The following PPARGC1A variants were observed in gnomAD, a reference collection of about 807,000 sequenced individuals.
The protein encoded by PPARGC1A is peroxisome proliferator-activated receptor gamma coactivator 1-alpha.
In PPARGC1A, 25 loss-of-function variants were observed where a neutral mutation model predicts 88.7. The ratio of observed to expected loss-of-function variants is 0.28; its 90% CI spans 0.21 to 0.39. The LOEUF (loss-of-function observed/expected upper bound fraction) is 0.39, where lower values mean the gene tolerates loss of function less well. PPARGC1A is among the 10% of genes least tolerant of loss of function. The pLI, the probability that PPARGC1A is intolerant of heterozygous loss-of-function variation, is 1.00. For synonymous variants in PPARGC1A, 363 were observed against 355.6 expected (o/e 1.02, Z -0.24); for missense variants, 880 against 968.7 (o/e 0.91, Z 1.22).
chr4:24,132,692 A>T, the PPARGC1A span, among the ~76,000 whole-genome samples: 4 of 152,160 alleles, frequency 2.6e-5, no homozygotes, highest in African/African-American at 4.8e-5. Context: ...CGATTTAAAG[A>T]TTGATTCAAA....
the PPARGC1A span, among the ~76,000 whole-genome samples, chr4:24,064,455 GA>G: frequency 6.6e-6 from 1 of 152,130 alleles, no homozygotes. Context: ...ACCACAGGCT[GA>G]GGGGGAAAGG....
chr4:24,030,132 A>G, the PPARGC1A span, among the ~76,000 whole-genome samples: 1 of 152,240 alleles, frequency 6.6e-6, no homozygotes, highest in African/African-American at 2.4e-5. Flanking sequence ...ATTCTAAAAG[A>G]ACTGAATTAA....
At chr4:24,407,355 A>T in the PPARGC1A span, among the ~76,000 whole-genome samples, 20 of 152,348 alleles carry the variant, frequency 1.3e-4, no homozygotes, top group South Asian at 8.3e-4. Context: ...ACATGAAACG[A>T]GGGCGTCATC....
the PPARGC1A span, among the ~76,000 whole-genome samples, chr4:24,061,180 T>A: frequency 6.6e-6 from 1 of 152,128 alleles, no homozygotes; most frequent in Non-Finnish European, 1.5e-5. Context: ...CATGCTAGGG[T>A]AGAGCTCATA....
chr4:23,981,395 T>C, the PPARGC1A span, among the ~76,000 whole-genome samples: 1 of 152,122 alleles, frequency 6.6e-6, no homozygotes, highest in Non-Finnish European at 1.5e-5. Flanking sequence ...TAGACAACCA[T>C]AGGACATCAC....
chr4:23,993,532 G>C, the PPARGC1A span, among the ~76,000 whole-genome samples: 2 of 152,038 alleles, frequency 1.3e-5, no homozygotes, highest in Non-Finnish European at 2.9e-5. Context: ...GCTTGTTGTA[G>C]GTCCTCAAAA....
chr4:24,225,544 C>A, the PPARGC1A span, among the ~76,000 whole-genome samples: 3 of 150,710 alleles, frequency 2.0e-5, no homozygotes. Flanking sequence ...AAAAAACACA[C>A]ACACACACAA....
At chr4:23,916,607 C>T in the PPARGC1A span, among the ~76,000 whole-genome samples, 224 of 152,212 alleles carry the variant, frequency 1.5e-3, no homozygotes, top group African/African-American at 4.9e-3. Context: ...TCATATCTCA[C>T]GTGAGTAAAT....
the PPARGC1A span, among the ~76,000 whole-genome samples, chr4:24,230,676 G>T: frequency 6.6e-6 from 1 of 152,166 alleles, no homozygotes; most frequent in Non-Finnish European, 1.5e-5. Flanking sequence ...TCTGAGCAGT[G>T]CGAAGAGAAA....
chr4:24,188,701 T>C, the PPARGC1A span, among the ~76,000 whole-genome samples: 1 of 152,054 alleles, frequency 6.6e-6, no homozygotes, highest in Non-Finnish European at 1.5e-5. Flanking sequence ...TTGGTGGTAA[T>C]ATAAAAGGGT....
the PPARGC1A span, among the ~76,000 whole-genome samples, chr4:24,111,942 T>A: frequency 3.4e-4 from 52 of 152,300 alleles, no homozygotes; most frequent in South Asian, 1.0e-2. Context: ...AACTGAAATG[T>A]CAACACATTA....
At chr4:24,427,863 T>A in the PPARGC1A span, among the ~76,000 whole-genome samples, 1 of 152,058 alleles carries the variant, frequency 6.6e-6, no homozygotes, top group Non-Finnish European at 1.5e-5. Context: ...ATATTCCCAG[T>A]GCTTTGGGAG....
chr4:23,828,456 T>C lies in PPARGC1A; in HGVS notation c.701A>G (p.Asp234Gly), dbSNP rs1427019385. The change falls in exon 5 of 13, where the codon GAC becomes GGC. Residue 234 changes from aspartate (D) to glycine (G), a missense_variant. Transcript: ENST00000264867. ...GGACTTCTTTTTGGAGGTGCATTTGTCTCTGCTGCTGTTTCTGTTCTCTGT... is the reference window on the plus strand; with the variant it reads ...GGACTTCTTTTTGGAGGTGCATTTGCCTCTGCTGCTGTTTCTGTTCTCTGT... ...KPTENRNSSR[D>G]KCTSKKKSHT... 1 of 1,614,132 alleles carries C rather than the reference T, an allele frequency of 6.2e-7. No individual in the cohort carries two copies. The highest frequency in any genetic ancestry group is 1.1e-5 in the South Asian group (1 of 91,068).
At chr4:24,102,422 G>C in the PPARGC1A span, among the ~76,000 whole-genome samples, 1 of 152,194 alleles carries the variant, frequency 6.6e-6, no homozygotes, top group Admixed American at 6.5e-5. Flanking sequence ...CTAGACTTCA[G>C]TCACTGATTT....
At chr4:24,294,517 G>T in the PPARGC1A span, among the ~76,000 whole-genome samples, 3 of 151,968 alleles carry the variant, frequency 2.0e-5, no homozygotes, top group Non-Finnish European at 2.9e-5. Context: ...GGACTTTTAG[G>T]TCACAAATTA....
At chr4:24,338,985 C>A in the PPARGC1A span, among the ~76,000 whole-genome samples, 1 of 152,040 alleles carries the variant, frequency 6.6e-6, no homozygotes, top group East Asian at 1.9e-4. Context: ...GGCATTAAGT[C>A]CATTCATATT....
chr4:23,859,827 AAAT>A (rs1339410164), intron 2 of PPARGC1A, among the ~76,000 whole-genome samples: 1 of 149,098 alleles, frequency 6.7e-6, no homozygotes, highest in Non-Finnish European at 1.5e-5. Flanking sequence ...AAATAAAATA[AAAT>A]AAAATAAAAT....
the PPARGC1A span, among the ~76,000 whole-genome samples, chr4:24,010,635 C>T: frequency 0.61 from 92,877 of 152,006 alleles, 29,204 homozygotes; most frequent in African/African-American, 0.76. Flanking sequence ...ATTCATTTAA[C>T]GTATATTTAC....
intron 2 of PPARGC1A, among the ~76,000 whole-genome samples, chr4:23,853,407 A>C (rs1032013696): frequency 6.6e-6 from 1 of 151,986 alleles, no homozygotes; most frequent in African/African-American, 2.4e-5. Flanking sequence ...GAAAATAAAG[A>C]CTTCCTAAGT....
Sources: gnomAD v4.1 joint callset for allele counts (sites outside exome capture counted in the v4.1 genomes callset) on GRCh38, gnomAD v4.1.1 for gene constraint, MANE v1.5 for transcripts, NCBI Gene and HGNC (gene_info 2026-07-23, HGNC 2026-07-21) for gene names.